The following RGS3 variants were observed in gnomAD, a reference collection of about 807,000 sequenced individuals.
RGS3 encodes the protein regulator of G-protein signalling 3.
In RGS3, 80 loss-of-function variants were observed where a neutral mutation model predicts 132.6. The ratio of observed to expected loss-of-function variants is 0.60; its 90% CI spans 0.50 to 0.73. The LOEUF is 0.73. RGS3 is among the 30% of genes least tolerant of loss of function. The pLI, the probability that RGS3 is intolerant of heterozygous loss-of-function variation, is 0.00. For missense variants in RGS3, 1,382 were observed against 1,530.8 expected (o/e 0.90, Z 1.62); for synonymous variants, 598 against 620.6 (o/e 0.96, Z 0.54).
intron 3 of RGS3, among the ~76,000 whole-genome samples, chr9:113,469,964 G>A (rs1467700780): frequency 2.0e-5 from 3 of 150,070 alleles, no homozygotes; most frequent in African/African-American, 7.4e-5. Context: ...AGGCTGGAGT[G>A]CAGTGGCGCA....
chr9:113,524,782 G>A (rs1159239267), intron 17 of RGS3, among the ~76,000 whole-genome samples: 1 of 152,218 alleles, frequency 6.6e-6, no homozygotes, highest in African/African-American at 2.4e-5. Flanking sequence ...GCTGGACCAT[G>A]CCTATATTAT....
At chr9:113,595,240 A>C (rs905207289) in intron 23 of RGS3, 3 of 579,960 alleles carry the variant, frequency 5.2e-6, no homozygotes, top group Non-Finnish European at 9.2e-6. Flanking sequence ...TCAGATCCAT[A>C]TTCCCAGAAT....
intron 1 of RGS3, chr9:113,461,703 C>T: frequency 6.2e-7 from 1 of 1,612,412 alleles, no homozygotes; most frequent in South Asian, 1.1e-5. Flanking sequence ...CTTTTCTCTC[C>T]TAGGTCACAT....
At chr9:113,449,475 A>T (rs559708093) in intron 1 of RGS3, among the ~76,000 whole-genome samples, 72 of 152,326 alleles carry the variant, frequency 4.7e-4, no homozygotes, top group African/African-American at 1.7e-3. Context: ...TGTGGGGTTA[A>T]AATGAAAGCC....
intron 15 of RGS3, chr9:113,517,306 G>A (rs141922730): frequency 1.8e-4 from 117 of 648,846 alleles, no homozygotes; most frequent in East Asian, 3.1e-4. Context: ...TAGCTCTCAC[G>A]GTGAGGGTTG....
intron 14 of RGS3, among the ~76,000 whole-genome samples, chr9:113,510,347 G>A (rs1214782786): frequency 2.6e-5 from 4 of 152,252 alleles, no homozygotes; most frequent in Non-Finnish European, 4.4e-5. Flanking sequence ...AGGTTAGAGT[G>A]GAGATGCTGC....
At position 113,551,356 on chromosome 9, in the gene RGS3, G is replaced by A. The variant is rs74331909; in HGVS notation, c.2037+14438G>A. The stretch of plus-strand genomic sequence containing the variant: ...TCTGTTGTATGGAATATCACATTTT[G>A]TTTAACCGTTCATCAGTTAATGGAC... On this transcript the variant is annotated intron_variant, in intron 19 of 24. Coordinates refer to ENST00000350696, the Ensembl canonical transcript of RGS3. Among the ~76,000 whole-genome samples, 538 of 152,214 alleles carry A rather than the reference G, an allele frequency of 3.5e-3. 5 individuals are homozygous for A. The highest frequency in any genetic ancestry group is 0.012 in the African/African-American group (501 of 41,540).
exon 24 of RGS3, chr9:113,595,644 A>G: frequency 2.5e-6 from 4 of 1,614,184 alleles, no homozygotes; most frequent in Non-Finnish European, 3.4e-6. Context: ...GAGTTCAGTG[A>G]GGAGAATCTG....
chr9:113,492,990 T>C lies in RGS3; in HGVS notation c.690-2796T>C, dbSNP rs141684869. 3.3e-3 allele frequency among the ~76,000 whole-genome samples: 505 copies of C among 152,308 alleles called. 3 individuals carry two copies. Among genetic ancestry groups the C allele is most frequent in the African/African-American group, 0.011 (453 of 41,568 alleles). ...AGAGAGAGGTTGCTGAGCTAATGCA[T>C]TGGCCTGGAGACTTTGAAAGTTTCA... On this transcript the variant is annotated intron_variant, in intron 7 of 24. Coordinates refer to ENST00000350696, the Ensembl canonical transcript of RGS3.
At chr9:113,517,823 C>T (rs7026656) in intron 16 of RGS3, among the ~76,000 whole-genome samples, 199 bp downstream of exon 14, 18,026 of 152,086 alleles carry the variant, frequency 0.12, 1,280 homozygotes, top group African/African-American at 0.19. Context: ...CAAAAGCTGT[C>T]GAATCCTTCT....
chr9:113,462,632 T>C (rs1829502551), intron 3 of RGS3, among the ~76,000 whole-genome samples: 1 of 152,190 alleles, frequency 6.6e-6, no homozygotes, highest in Non-Finnish European at 1.5e-5. Flanking sequence ...GAGGTTCAGA[T>C]TTCTTCCTGG....
rs897690885 is a variant in RGS3, at chr9:113,497,965, C to T, written c.842-60C>T. ...TCCCAGTGCTGTCCTCTGGGTGGTC[C>T]GAGGAGGGGAGACTTCTCTGCCACC... On this transcript the variant is annotated intron_variant, in intron 9 of 24. Transcript: ENST00000350696. 34 of 1,563,982 alleles carry T rather than the reference C, an allele frequency of 2.2e-5. No individual in the cohort carries two copies. The Middle Eastern group carries it at 5.3e-4, about 24-fold the overall frequency.
In RGS3 at chr9:113,463,928, C is replaced by T. The variant is rs1829544953; in HGVS notation, c.415+1727C>T. The stretch of plus-strand genomic sequence containing the variant: ...CGGCAGGGGCTGCTTCACCCTGCTC[C>T]CAGCGCCCAGAAACGCAGCCCCTCG... On this transcript the variant is annotated intron_variant, in intron 3 of 24. Transcript: ENST00000350696. The surrounding 1 kb of genome is among the most constrained non-coding windows in gnomAD (Gnocchi z 4.6). The T allele has an allele frequency of 1.2e-6, 2 of 1,600,812 alleles. No homozygotes were observed. Among genetic ancestry groups the T allele is most frequent in the Non-Finnish European group, 1.7e-6 (2 of 1,171,510 alleles).
At chr9:113,576,213 A>C (rs910596960) in intron 19 of RGS3, among the ~76,000 whole-genome samples, 4 of 151,952 alleles carry the variant, frequency 2.6e-5, no homozygotes, top group Non-Finnish European at 4.4e-5. Context: ...AAAAACAAAA[A>C]CAAAAACAAA....
rs1829525308 is a variant in RGS3 at position 113,463,574 on chromosome 9, C to T, written c.415+1373C>T. On this transcript the variant is annotated intron_variant, in intron 3 of 24. Transcript: ENST00000350696. The surrounding 1 kb of genome is among the most constrained non-coding windows in gnomAD (Gnocchi z 4.6). Reference sequence around the variant, plus strand: ...GCTGCCGTCGCTGCTCAGCGCGGGTCGGCGGCGCCGCCTCCCCCACCCCGG... The same window carrying T: ...GCTGCCGTCGCTGCTCAGCGCGGGTTGGCGGCGCCGCCTCCCCCACCCCGG... 3 of 417,904 alleles carry T rather than the reference C, an allele frequency of 7.2e-6. No individual in the cohort carries two copies. Among genetic ancestry groups the T allele is most frequent in the East Asian group, 1.6e-4 (1 of 6,216 alleles). 25.9% of individuals were successfully genotyped at this position (417,904 alleles called of 1,614,324 possible).
At chr9:113,584,906 C>T (rs1232827004) in intron 20 of RGS3, among the ~76,000 whole-genome samples, 1 of 152,214 alleles carries the variant, frequency 6.6e-6, no homozygotes, top group African/African-American at 2.4e-5. Context: ...GCCCATTTTA[C>T]AGCAGAGGAA....
At chr9:113,514,329 G>A in intron 14 of RGS3, 129 bp from the exon 13 acceptor site, 1 of 819,412 alleles carries the variant, frequency 1.2e-6, no homozygotes, top group Admixed American at 2.4e-5. Flanking sequence ...CGTGCGCAGG[G>A]CCTGGCACAA....
exon 19 of RGS3, chr9:113,536,886 C>G (rs763350392): frequency 1.9e-6 from 3 of 1,614,106 alleles, no homozygotes; most frequent in South Asian, 2.2e-5. Context: ...CGCCAAGCAG[C>G]AACAGCTGGC....
chr9:113,532,364 C>T (rs1387083518), intron 18 of RGS3, among the ~76,000 whole-genome samples: 1 of 150,776 alleles, frequency 6.6e-6, no homozygotes, highest in Non-Finnish European at 1.5e-5. Context: ...AGTGCTCTCT[C>T]TCTTGGCTTG....
Sources: gnomAD v4.1 joint callset for allele counts (sites outside exome capture counted in the v4.1 genomes callset) on GRCh38, gnomAD v4.1.1 for gene constraint, Gnocchi (gnomAD v3.1) non-coding constraint, MANE v1.5 for transcripts, NCBI Gene and HGNC (gene_info 2026-07-23, HGNC 2026-07-21) for gene names.